DNAH3: variants seen among roughly 807,000 people sequenced by gnomAD.
The protein encoded by DNAH3 is axonemal beta dynein heavy chain 3.
A neutral mutation model predicts 432.5 loss-of-function variants in DNAH3; 332 were observed. The ratio of observed to expected loss-of-function variants is 0.77; its 90% CI spans 0.70 to 0.84. The LOEUF is 0.84. Ranked by LOEUF, DNAH3 falls within the 40% of genes least tolerant of loss-of-function variation. The pLI, the probability that DNAH3 is intolerant of heterozygous loss-of-function variation, is 0.00. For synonymous variants in DNAH3, 1,956 were observed against 1,900.2 expected (o/e 1.03, Z -0.76); for missense variants, 4,861 against 5,114.0 (o/e 0.95, Z 1.51).
chr16:20,945,660 T>C (rs921676461), intron 57 of DNAH3, among the ~76,000 whole-genome samples: 2 of 152,154 alleles, frequency 1.3e-5, no homozygotes, highest in African/African-American at 4.8e-5. Flanking sequence ...CCGGCTAATT[T>C]TTTGTATTTT....
exon 53 of DNAH3, chr16:20,963,433 A>G: frequency 1.9e-6 from 3 of 1,614,080 alleles, no homozygotes; most frequent in Non-Finnish European, 2.5e-6. Context: ...CGCTGGCACC[A>G]TTTTGTCAGG....
chr16:20,988,243 T>C (rs1022667141), intron 44 of DNAH3, among the ~76,000 whole-genome samples, 178 bp from the exon 45 acceptor site: 6 of 152,144 alleles, frequency 3.9e-5, no homozygotes, highest in Non-Finnish European at 8.8e-5. Context: ...TAATTAATAT[T>C]AAATAACATT....
At chr16:21,082,753 G>A (rs906233339) in intron 19 of DNAH3, among the ~76,000 whole-genome samples, 10 of 151,742 alleles carry the variant, frequency 6.6e-5, no homozygotes, top group East Asian at 3.9e-4. Context: ...AGCTTGAACC[G>A]GGAGGTGGAG....
intron 24 of DNAH3, among the ~76,000 whole-genome samples, chr16:21,066,889 T>C (rs970704669): frequency 2.0e-5 from 3 of 152,220 alleles, no homozygotes; most frequent in African/African-American, 7.2e-5. Context: ...GGGGCCATTA[T>C]TATATCCCAA....
rs548174641 is a variant in DNAH3, at chr16:21,036,349, A to C, written c.5085+365T>G. 7.2e-5 allele frequency among the ~76,000 whole-genome samples: 11 copies of C among 152,034 alleles called. No individual in the cohort carries two copies. In the South Asian group the frequency reaches 2.3e-3, roughly 32 times the overall value. On this transcript the variant is annotated intron_variant, in intron 35 of 61. Coordinates refer to ENST00000261383, the Ensembl canonical transcript of DNAH3. The stretch of plus-strand genomic sequence containing the variant: ...TCAAAAACAAACAAACAAACAAACA[A>C]ACACAAAAACTGATGGAGTAAGTAA...
intron 59 of DNAH3, among the ~76,000 whole-genome samples, chr16:20,937,677 T>C (rs2083646829): frequency 6.6e-6 from 1 of 151,636 alleles, no homozygotes; most frequent in South Asian, 2.1e-4. Context: ...TACAGGCACA[T>C]GCCACTATGC....
chr16:20,967,288 T>C (rs1203637735), intron 52 of DNAH3, among the ~76,000 whole-genome samples: 1 of 152,148 alleles, frequency 6.6e-6, no homozygotes, highest in Non-Finnish European at 1.5e-5. Context: ...AGGCATAATT[T>C]GCTTTAATTT....
intron 23 of DNAH3, 69 bp downstream of exon 23, chr16:21,069,346 G>A: frequency 3.7e-6 from 5 of 1,351,714 alleles, no homozygotes; most frequent in Non-Finnish European, 5.2e-6. Context: ...CAAGGAAGGT[G>A]ACTAGAATGC....
At chr16:21,124,267 C>T (rs982035198) in intron 9 of DNAH3, among the ~76,000 whole-genome samples, 1 of 152,108 alleles carries the variant, frequency 6.6e-6, no homozygotes, top group African/African-American at 2.4e-5. Flanking sequence ...AGATTGAAAA[C>T]AAACCTTTTC....
chr16:21,068,739 C>A lies in DNAH3; in HGVS notation c.3381+676G>T, dbSNP rs114546954. Among the ~76,000 whole-genome samples, 1,069 of 152,196 alleles carry A rather than the reference C, an allele frequency of 7.0e-3. 16 individuals carry two copies. Among genetic ancestry groups the A allele is most frequent in the African/African-American group, 0.025 (1,026 of 41,530 alleles). ...AACATTTGTTAAATAACTGAGTAAC[C>A]AAATGTGGGTAATTGTTGGAATTCT... On this transcript the variant is annotated intron_variant, in intron 23 of 61. Coordinates refer to ENST00000261383, the Ensembl canonical transcript of DNAH3.
In DNAH3 at chr16:21,056,163, C is replaced by T. The variant is rs186150961; in HGVS notation, c.3925-1629G>A. Among the ~76,000 whole-genome samples the T allele has an allele frequency of 2.6e-5, 4 of 152,258 alleles. No homozygotes were observed. In the East Asian group the frequency reaches 7.7e-4, roughly 29 times the overall value. On this transcript the variant is annotated intron_variant, in intron 27 of 61. Transcript: ENST00000261383. ...CACCCATTGCTCAGCTATTATAGAC[C>T]GAAGTGTCTTCCTGCTGGAATACAC...
intron 48 of DNAH3, 35 bp downstream of exon 48, chr16:20,985,011 CAGA>C (rs2086119419): frequency 9.1e-6 from 14 of 1,533,956 alleles, no homozygotes; most frequent in Non-Finnish European, 1.2e-5. Context: ...CCAAAACACC[CAGA>C]AGAACAAGGG....
At chr16:21,107,792 G>A (rs777843113) in intron 14 of DNAH3, among the ~76,000 whole-genome samples, 8 of 152,010 alleles carry the variant, frequency 5.3e-5, no homozygotes, top group Non-Finnish European at 8.8e-5. Flanking sequence ...TCCACTCCTA[G>A]CACAGAGTGG....
chr16:21,122,812 T>TA (rs1388718614), intron 9 of DNAH3, among the ~76,000 whole-genome samples: 2 of 150,986 alleles, frequency 1.3e-5, no homozygotes, highest in Non-Finnish European at 3.0e-5. Flanking sequence ...GTTTTTTTTT[T>TA]AATTTATTTT....
At chr16:20,980,523 C>A (rs1237849281) in intron 49 of DNAH3, among the ~76,000 whole-genome samples, 1 of 151,230 alleles carries the variant, frequency 6.6e-6, no homozygotes, top group East Asian at 1.9e-4. Flanking sequence ...CAGGCACACA[C>A]CACCACACCC....
chr16:21,077,354 G>A (rs557570359), intron 20 of DNAH3, among the ~76,000 whole-genome samples: 24 of 152,064 alleles, frequency 1.6e-4, no homozygotes. Flanking sequence ...GTAGAGACGG[G>A]GTTTCACCAT....
chr16:21,137,909 G>A (rs1381718609), intron 5 of DNAH3, among the ~76,000 whole-genome samples: 1 of 152,176 alleles, frequency 6.6e-6, no homozygotes, highest in Non-Finnish European at 1.5e-5. Context: ...GAGAAGCACA[G>A]AGTGTGAGGA....
At position 21,089,261 on chromosome 16, in the gene DNAH3, C is replaced by T. The variant is rs146235357; in HGVS notation, c.2666-2201G>A. On this transcript the variant is annotated intron_variant, in intron 18 of 61. Coordinates refer to ENST00000261383, the Ensembl canonical transcript of DNAH3. ...AGCCACTGCAGGGGAAAAGTGGAAGCGACACTCACTAGGAATCCCATTGCA... is the reference window on the plus strand; with the variant it reads ...AGCCACTGCAGGGGAAAAGTGGAAGTGACACTCACTAGGAATCCCATTGCA... Among the ~76,000 whole-genome samples, 37 of 152,240 alleles carry T rather than the reference C, an allele frequency of 2.4e-4. 1 individual carries two copies. Among genetic ancestry groups the T allele is most frequent in the Non-Finnish European group, 4.4e-4 (30 of 68,014 alleles).
chr16:20,969,859 C>CA lies in DNAH3; in HGVS notation c.8390dup (p.Val2798GlyfsTer24), dbSNP rs2085253856. On this transcript the variant is annotated frameshift_variant, in exon 52 of 62. Coordinates refer to ENST00000261383, the Ensembl canonical transcript of DNAH3. LOFTEE classifies it high-confidence loss of function. ...TCATGATGCAGATGCTCTCCATGAC[C>CA]AGTTTGACAGGGCCTGGTGGGTTCT... 1 of 1,614,056 alleles carries CA rather than the reference C, an allele frequency of 6.2e-7. No individual in the cohort carries two copies. The highest frequency in any genetic ancestry group is 1.3e-5 in the African/African-American group (1 of 74,942).
Sources: allele counts gnomAD v4.1 joint callset (sites outside exome capture counted in the v4.1 genomes callset), GRCh38; gene constraint gnomAD v4.1.1; transcripts MANE v1.5; gene names NCBI Gene and HGNC (gene_info 2026-07-23, HGNC 2026-07-21).